The following PTGER3 variants were observed in gnomAD, a reference collection of about 807,000 sequenced individuals.
PTGER3 encodes prostaglandin E receptor 3.
In PTGER3, 22 loss-of-function variants were observed where a neutral mutation model predicts 34.7. The ratio of observed to expected loss-of-function variants is 0.63; its 90% CI spans 0.45 to 0.91. The LOEUF is 0.91. Among genes scored for constraint, PTGER3 ranks in the 40% least tolerant of loss-of-function variants. The pLI, the probability that PTGER3 is intolerant of heterozygous loss-of-function variation, is 0.00. For synonymous variants in PTGER3, 241 were observed against 230.1 expected (o/e 1.05, Z -0.43); for missense variants, 468 against 519.4 (o/e 0.90, Z 0.96).
intron 1 of PTGER3, 96 bp from the exon 2 acceptor site, chr1:71,012,580 T>A: frequency 9.3e-7 from 1 of 1,076,794 alleles, no homozygotes; most frequent in Non-Finnish European, 1.3e-6. Context: ...TTCAATAAAT[T>A]GGTTGTTGGA....
At chr1:70,970,648 G>A (rs2100672238), downstream of PTGER3, 1 of 167,972 alleles carries the variant, frequency 6.0e-6, no homozygotes, top group East Asian at 1.9e-4. Context: ...CAGTAAATAT[G>A]TGGTGAATTA....
In PTGER3 at chr1:70,996,585, C is replaced by T. The variant is rs549443826; in HGVS notation, c.1077+15720G>A. Among the ~76,000 whole-genome samples, 541 of 148,358 alleles carry T rather than the reference C, an allele frequency of 3.6e-3. 6 individuals carry two copies. Among genetic ancestry groups the T allele is most frequent in the African/African-American group, 0.013 (515 of 40,312 alleles). On this transcript the variant is annotated intron_variant, in intron 2 of 3. Transcript: ENST00000306666. The stretch of plus-strand genomic sequence containing the variant: ...ATGCCATTCTCCTGCCTCAGCCTCC[C>T]GAGTAGCTGGGACTACAGGCGCCCG...
At chr1:70,862,333 T>C (rs777348554) in intron 4 of PTGER3, 14 of 1,365,214 alleles carry the variant, frequency 1.0e-5, no homozygotes, top group Non-Finnish European at 1.4e-5. Flanking sequence ...TCACAGATAC[T>C]TCATCCCAGG....
intron 4 of PTGER3, among the ~76,000 whole-genome samples, chr1:70,905,245 T>A (rs1646920004): frequency 6.6e-6 from 1 of 152,034 alleles, no homozygotes; most frequent in African/African-American, 2.4e-5. Flanking sequence ...GGGGCATTCA[T>A]GGACAACCTT....
At chr1:70,886,287 A>C (rs1366889368) in intron 4 of PTGER3, 1 of 451,962 alleles carries the variant, frequency 2.2e-6, no homozygotes, top group Non-Finnish European at 4.5e-6. Context: ...CCAGACACCG[A>C]ATCTGCTGGC....
intron 2 of PTGER3, among the ~76,000 whole-genome samples, chr1:70,977,810 C>G (rs190637387): frequency 3.6e-4 from 54 of 152,004 alleles, no homozygotes; most frequent in African/African-American, 1.2e-3. Context: ...TTTGTCTCTA[C>G]TCCTTCCTCC....
intron 4 of PTGER3, among the ~76,000 whole-genome samples, chr1:70,853,843 A>G (rs1211400624): frequency 6.6e-6 from 1 of 152,204 alleles, no homozygotes; most frequent in African/African-American, 2.4e-5. Context: ...TCAATCTTTG[A>G]CAAGAGTGCC....
At chr1:70,889,444 T>G (rs1440171515) in intron 4 of PTGER3, among the ~76,000 whole-genome samples, 4 of 148,392 alleles carry the variant, frequency 2.7e-5, no homozygotes, top group African/African-American at 7.4e-5. Context: ...AAGATTGTTC[T>G]CTGTTTTTGT....
chr1:71,011,283 A>C (rs1657420821), intron 2 of PTGER3: 1 of 985,116 alleles, frequency 1.0e-6, no homozygotes, highest in African/African-American at 1.7e-5. Flanking sequence ...TTCTTATATA[A>C]ATAGGCCAAA....
intron 4 of PTGER3, among the ~76,000 whole-genome samples, chr1:70,877,185 T>C (rs559983219): frequency 1.6e-3 from 238 of 152,274 alleles, no homozygotes; most frequent in Middle Eastern, 3.4e-3. Flanking sequence ...TGGTTAGCTG[T>C]ATTCCTAGAT....
chr1:70,985,602 T>C (rs1290548716), intron 2 of PTGER3, among the ~76,000 whole-genome samples: 1 of 152,106 alleles, frequency 6.6e-6, no homozygotes, highest in African/African-American at 2.4e-5. Flanking sequence ...CTGTTAGTAA[T>C]AATGTGAACC....
At chr1:71,014,813 A>G (rs1411247734) in intron 1 of PTGER3, among the ~76,000 whole-genome samples, 1 of 152,208 alleles carries the variant, frequency 6.6e-6, no homozygotes, top group African/African-American at 2.4e-5. Flanking sequence ...TGGCAGCCCA[A>G]GCAGACTAAG....
At chr1:70,856,617 T>C (rs537685125) in intron 4 of PTGER3, among the ~76,000 whole-genome samples, 7 of 152,310 alleles carry the variant, frequency 4.6e-5, no homozygotes, top group African/African-American at 9.6e-5. Flanking sequence ...ATGGGCTTTT[T>C]CCCATTTTTT....
At chr1:70,897,160 C>T (rs550056181) in intron 4 of PTGER3, among the ~76,000 whole-genome samples, 1 of 152,250 alleles carries the variant, frequency 6.6e-6, no homozygotes, top group South Asian at 2.1e-4. Context: ...TTCCTTTGTC[C>T]TCCCAGGCAA....
At position 71,003,803 on chromosome 1, in the gene PTGER3, G is replaced by A. The variant is rs529351086; in HGVS notation, c.1077+8502C>T. On this transcript the variant is annotated intron_variant, in intron 2 of 3. Transcript: ENST00000306666. ...TTAGGTTTGAGTTTCCTAACCAAACGTGGAAAGCTTTGCAGTTCCTTAAAT... is the reference window on the plus strand; with the variant it reads ...TTAGGTTTGAGTTTCCTAACCAAACATGGAAAGCTTTGCAGTTCCTTAAAT... Among the ~76,000 whole-genome samples, 34 of 152,268 alleles carry A rather than the reference G, an allele frequency of 2.2e-4. No homozygotes were observed. In the South Asian group the frequency reaches 6.2e-3, roughly 28 times the overall value.
Position 70,971,502 on chromosome 1 carries a change from G to T in PTGER3, c.*228C>A. ...TGAAATTCTTCCCAACTTCTTAAAT[G>T]CATATTCAAAATCCCATCCAAGAAA... is the stretch of plus-strand genomic sequence containing the variant. On this transcript the variant is annotated 3_prime_UTR_variant, in exon 4 of 4. Coordinates refer to ENST00000306666, the MANE Select transcript of PTGER3 (RefSeq NM_198719.2). 8.3e-7 allele frequency: 1 copy of T among 1,200,666 alleles called. No individual in the cohort carries two copies. Among genetic ancestry groups the T allele is most frequent in the Admixed American group, 4.5e-5 (1 of 22,434 alleles). 74.4% of individuals were successfully genotyped at this position (1,200,666 alleles called of 1,614,324 possible).
intron 4 of PTGER3, among the ~76,000 whole-genome samples, chr1:70,916,015 A>T: frequency 6.6e-6 from 1 of 152,036 alleles, no homozygotes; most frequent in Middle Eastern, 3.2e-3. Context: ...TTCAGAATCT[A>T]TAAGGAACTT....
intron 1 of PTGER3, among the ~76,000 whole-genome samples, chr1:71,045,003 A>G (rs1660634966): frequency 6.6e-6 from 1 of 152,178 alleles, no homozygotes; most frequent in Non-Finnish European, 1.5e-5. Flanking sequence ...TGTACACTCC[A>G]TTCCTCAGCC....
At chr1:70,976,618 A>G (rs908295720) in intron 2 of PTGER3, among the ~76,000 whole-genome samples, 1 of 152,078 alleles carries the variant, frequency 6.6e-6, no homozygotes. Flanking sequence ...TATCCTGCAT[A>G]TTGTTTCCAA....
Sources: allele counts gnomAD v4.1 joint callset (sites outside exome capture counted in the v4.1 genomes callset), GRCh38; gene constraint gnomAD v4.1.1; transcripts MANE v1.5; gene names NCBI Gene and HGNC (gene_info 2026-07-23, HGNC 2026-07-21).